SLC37A1: variants seen among roughly 807,000 people sequenced by gnomAD.
The protein encoded by SLC37A1 is solute carrier family 37 member 1.
A neutral mutation model predicts 75.3 loss-of-function variants in SLC37A1; 49 were observed. The observed-to-expected ratio is 0.65, with a 90% CI of 0.52 to 0.83. The LOEUF (loss-of-function observed/expected upper bound fraction) is 0.83. SLC37A1 is among the 40% of genes least tolerant of loss of function. The pLI is 0.00. For missense variants in SLC37A1, 566 were observed against 695.0 expected (o/e 0.81, Z 2.09); for synonymous variants, 268 against 292.1 (o/e 0.92, Z 0.84).
chr21:42,513,279 C>G (rs1315076544), upstream of SLC37A1, among the ~76,000 whole-genome samples: 1 of 152,212 alleles, frequency 6.6e-6, no homozygotes, highest in Non-Finnish European at 1.5e-5. Context: ...GGCGGGCTCC[C>G]GCAGCCTAAC....
intron 17 of SLC37A1, 30 bp from the exon 18 acceptor site, chr21:42,574,783 AACAGC>A: frequency 6.2e-7 from 1 of 1,610,634 alleles, no homozygotes; most frequent in Non-Finnish European, 8.5e-7. Flanking sequence ...ATTTTCTCTA[AACAGC>A]ACCATGTGTG....
chr21:42,569,220 C>T (rs2147023392), intron 17 of SLC37A1, among the ~76,000 whole-genome samples: 1 of 152,320 alleles, frequency 6.6e-6, no homozygotes, highest in South Asian at 2.1e-4. Context: ...TCGGTAGACC[C>T]AGGTCAGCCA....
chr21:42,562,468 A>G (rs1208803997), intron 12 of SLC37A1, among the ~76,000 whole-genome samples: 5 of 152,188 alleles, frequency 3.3e-5, no homozygotes, highest in Non-Finnish European at 7.4e-5. Context: ...CGTGGGCTAC[A>G]CTGAACTTTG....
rs139034949 is a variant in SLC37A1, at chr21:42,546,890, C to T, written c.731-213C>T. 4.1e-3 allele frequency among the ~76,000 whole-genome samples: 624 copies of T among 152,318 alleles called. 7 individuals carry two copies. Among genetic ancestry groups the T allele is most frequent in the Non-Finnish European group, 5.4e-3 (370 of 68,024 alleles). The stretch of plus-strand genomic sequence containing the variant: ...GATAGTAAAAAGGTTACTAGTAAAG[C>T]GAAGCAAGTTAACATAGCCATCGCA... On this transcript the variant is annotated intron_variant, in intron 8 of 19. Transcript: ENST00000352133.
chr21:42,500,542 G>A (rs1196492488), intron 1 of SLC37A1, among the ~76,000 whole-genome samples: 2 of 152,182 alleles, frequency 1.3e-5, no homozygotes, highest in Non-Finnish European at 2.9e-5. Context: ...TTGTACTGCT[G>A]TTAATCTTAC....
intron 2 of SLC37A1, among the ~76,000 whole-genome samples, chr21:42,507,616 T>C (rs972876822): frequency 3.9e-5 from 6 of 152,360 alleles, no homozygotes; most frequent in Admixed American, 3.9e-4. Flanking sequence ...TTCATGGTTC[T>C]GCATGCTGAA....
chr21:42,539,397 G>A (rs2055217642), intron 5 of SLC37A1, 115 bp from the exon 6 acceptor site: 1 of 1,247,918 alleles, frequency 8.0e-7, no homozygotes, highest in Non-Finnish European at 1.1e-6. Context: ...TAAGGCTTGA[G>A]AGTTCCCCAA....
intron 8 of SLC37A1, among the ~76,000 whole-genome samples, chr21:42,544,473 G>A (rs1483854905): frequency 6.6e-6 from 1 of 152,172 alleles, no homozygotes; most frequent in Admixed American, 6.5e-5. Context: ...CCATCATCTG[G>A]CCACACTGTG....
At chr21:42,577,616 A>ATT (rs2056335865) in intron 18 of SLC37A1, among the ~76,000 whole-genome samples, 1 of 152,208 alleles carries the variant, frequency 6.6e-6, no homozygotes, top group Admixed American at 6.5e-5. Flanking sequence ...ATGAAGACTT[A>ATT]ATCTAAGAGA....
chr21:42,548,392 C>T lies in SLC37A1; in HGVS notation c.768+1252C>T, dbSNP rs1179671449. ...CTGCACAAGCCGATCCCCCAGCATC[C>T]CCCATCTCAGTCAGGAAGCTGCTGT... On this transcript the variant is annotated intron_variant, in intron 9 of 19. Transcript: ENST00000352133. The surrounding 1 kb of genome is among the most constrained non-coding windows in gnomAD (Gnocchi z 5.6). 6.6e-6 allele frequency among the ~76,000 whole-genome samples: 1 copy of T among 152,096 alleles called. No individual in the cohort carries two copies. The highest frequency in any genetic ancestry group is 1.5e-5 in the Non-Finnish European group (1 of 68,004).
chr21:42,503,488 A>C (rs1315457049), intron 2 of SLC37A1, among the ~76,000 whole-genome samples: 1 of 152,002 alleles, frequency 6.6e-6, no homozygotes, highest in Non-Finnish European at 1.5e-5. Flanking sequence ...GGATCAAGAG[A>C]TCCACTCACC....
At chr21:42,511,197 T>C (rs957702821), upstream of SLC37A1, among the ~76,000 whole-genome samples, 8 of 152,024 alleles carry the variant, frequency 5.3e-5, no homozygotes, top group African/African-American at 1.9e-4. Context: ...AATTGGAAAA[T>C]TCACAAATAT....
rs2146996943 is a variant in SLC37A1, at chr21:42,564,749, A to G, written c.1177A>G (p.Arg393Gly). 6.2e-7 allele frequency: 1 copy of G among 1,609,782 alleles called. No individual in the cohort carries two copies. ...TGTGATCTCAGACCGACTGGAGAAAAGGGCCTCCACCTGCGGCCTGATGCT... is the reference window on the plus strand; with the variant it reads ...TGTGATCTCAGACCGACTGGAGAAAGGGGCCTCCACCTGCGGCCTGATGCT... ...AGVISDRLEKRASTCGLMLLL... is the reference protein window; with the variant it reads ...AGVISDRLEKGASTCGLMLLL... Residue 393 changes from arginine to glycine, a missense_variant, in exon 14 of 20, where the codon AGG becomes GGG. Arg to Gly is a moderately radical substitution (Grantham distance 125). Transcript: ENST00000352133.
intron 2 of SLC37A1, among the ~76,000 whole-genome samples, chr21:42,505,961 G>A (rs2054380911): frequency 6.6e-6 from 1 of 152,184 alleles, no homozygotes; most frequent in East Asian, 1.9e-4. Context: ...TACATTAGAG[G>A]AGAAGAAACT....
At chr21:42,536,255 C>G (rs2055135332) in intron 5 of SLC37A1, among the ~76,000 whole-genome samples, 1 of 152,176 alleles carries the variant, frequency 6.6e-6, no homozygotes, top group Non-Finnish European at 1.5e-5. Context: ...CTCAGTTTCC[C>G]CTTTGCAACA....
upstream of SLC37A1, among the ~76,000 whole-genome samples, chr21:42,513,191 T>G (rs1370820399): frequency 6.6e-6 from 1 of 152,002 alleles, no homozygotes; most frequent in African/African-American, 2.4e-5. Context: ...TCCCTGGGGC[T>G]GCCTAAGGAG....
rs1234499874 is a variant in SLC37A1 at position 42,548,064 on chromosome 21, G to A, written c.768+924G>A. Among the ~76,000 whole-genome samples the A allele has an allele frequency of 6.6e-6, 1 of 152,176 alleles. No individual in the cohort carries two copies. The highest frequency in any genetic ancestry group is 2.4e-5 in the African/African-American group (1 of 41,442). On this transcript the variant is annotated intron_variant, in intron 9 of 19. Transcript: ENST00000352133. The surrounding 1 kb of genome is among the most constrained non-coding windows in gnomAD (Gnocchi z 5.6). The stretch of plus-strand genomic sequence containing the variant: ...AGCTCTCTTCCCTCCCTCTGGGAAA[G>A]GCTCCCCTACCCGGGCTAACATGTT...
At chr21:42,570,190 T>C (rs111874863) in intron 17 of SLC37A1, among the ~76,000 whole-genome samples, 9,838 of 34,256 alleles carry the variant, frequency 0.29, 2,879 homozygotes, top group African/African-American at 0.43. Context: ...ATGTGACACA[T>C]GGCCTGGTTC....
At chr21:42,579,508 T>TTCATCAGACAGCGCTGCCC (rs2056372076) in intron 18 of SLC37A1, among the ~76,000 whole-genome samples, 1 of 126,178 alleles carries the variant, frequency 7.9e-6, no homozygotes, top group African/African-American at 3.1e-5. Flanking sequence ...TTCGTGGGCC[T>TTCATCAGACAGCGCTGCCC]TCATCAGACA....
Sources: allele counts gnomAD v4.1 joint callset (sites outside exome capture counted in the v4.1 genomes callset), GRCh38; gene constraint gnomAD v4.1.1; non-coding constraint Gnocchi (gnomAD v3.1); transcripts MANE v1.5; gene names NCBI Gene and HGNC (gene_info 2026-07-23, HGNC 2026-07-21).